Variants in SGCD observed in about 807,000 individuals in gnomAD.
The protein encoded by SGCD is sarcoglycan delta, also known as delta-sarcoglycan.
A neutral mutation model predicts 36.6 loss-of-function variants in SGCD; 18 were observed. That is an observed-to-expected ratio of 0.49 (90% confidence interval 0.34 to 0.73). SGCD has a LOEUF of 0.73. Among genes scored for constraint, SGCD ranks in the 30% least tolerant of loss-of-function variants. The pLI is 0.01. For missense variants in SGCD, 387 were observed against 346.7 expected, an observed-to-expected ratio of 1.12 and a Z score of -0.92; for synonymous variants, 133 against 130.6, an observed-to-expected ratio of 1.02 and a Z score of -0.12.
At chr5:156,335,258 G>C (rs190208178) in intron 2 of SGCD, among the ~76,000 whole-genome samples, 1 of 152,188 alleles carries the variant, frequency 6.6e-6, no homozygotes, top group East Asian at 1.9e-4. Flanking sequence ...AATATCTTCT[G>C]GTTCATCAGA....
At chr5:156,722,451 C>A (rs10056915) in intron 7 of SGCD, among the ~76,000 whole-genome samples, 1,688 of 152,288 alleles carry the variant, frequency 0.011, 41 homozygotes, top group African/African-American at 0.038. Flanking sequence ...GCCCTGATGA[C>A]AGTGTTGTCA....
chr5:156,549,329 A>G (rs1236704510), intron 4 of SGCD, among the ~76,000 whole-genome samples: 1 of 152,204 alleles, frequency 6.6e-6, no homozygotes, highest in Non-Finnish European at 1.5e-5. Context: ...AGATGTGAAC[A>G]TGGTGGTGTT....
At chr5:155,957,677 C>G (rs560025238) in intron 1 of SGCD, among the ~76,000 whole-genome samples, 2 of 152,232 alleles carry the variant, frequency 1.3e-5, no homozygotes, top group South Asian at 4.1e-4. Context: ...CTGCCACCAT[C>G]TTGCACACCT....
At chr5:156,352,973 AT>A (rs1290669346) in intron 3 of SGCD, among the ~76,000 whole-genome samples, 2 of 152,232 alleles carry the variant, frequency 1.3e-5, no homozygotes, top group Non-Finnish European at 2.9e-5. Flanking sequence ...TGTCTAAAAC[AT>A]GGTTTATTTA....
intron 3 of SGCD, among the ~76,000 whole-genome samples, chr5:156,185,237 CAG>C (rs1763708498): frequency 1.6e-5 from 2 of 122,692 alleles, no homozygotes; most frequent in Non-Finnish European, 3.2e-5. Flanking sequence ...TTTTTTGAGA[CAG>C]AGTCTTGCTC....
chr5:156,535,798 G>T (rs1228444068), intron 4 of SGCD, among the ~76,000 whole-genome samples: 1 of 152,050 alleles, frequency 6.6e-6, no homozygotes, highest in Non-Finnish European at 1.5e-5. Context: ...AAATGTTATT[G>T]CCTGTCCTGT....
At chr5:156,384,391 G>A (rs920408786) in intron 3 of SGCD, among the ~76,000 whole-genome samples, 3 of 152,096 alleles carry the variant, frequency 2.0e-5, no homozygotes, top group African/African-American at 7.2e-5. Flanking sequence ...GATTGTGAAT[G>A]TTTCCTATCA....
chr5:156,242,867 A>T (rs1482667313), intron 3 of SGCD, among the ~76,000 whole-genome samples: 1 of 152,172 alleles, frequency 6.6e-6, no homozygotes, highest in Non-Finnish European at 1.5e-5. Context: ...ACAGAATCCC[A>T]GAACCTGAGA....
chr5:155,924,453 A>T (rs543135800), intron 1 of SGCD, among the ~76,000 whole-genome samples: 1 of 152,354 alleles, frequency 6.6e-6, no homozygotes, highest in African/African-American at 2.4e-5. Flanking sequence ...CTGAATGCTT[A>T]GCCAGAGAGA....
In SGCD at chr5:155,941,182, T is replaced by C. The variant is rs138740384; in HGVS notation, c.-282+70758T>C. ...ATAACAAACCCACTCTCGAGATAAC[T>C]AACATACTCCCGTGATAATGACGTT... On this transcript the variant is annotated intron_variant, in intron 1 of 9. Coordinates refer to the SGCD transcript ENST00000517913. Among the ~76,000 whole-genome samples the C allele has an allele frequency of 5.5e-3, 838 of 152,252 alleles. 5 individuals are homozygous for C. The highest frequency in any genetic ancestry group is 0.014 in the South Asian group (67 of 4,830).
At chr5:155,935,263 T>A (rs981302584) in intron 1 of SGCD, among the ~76,000 whole-genome samples, 5 of 152,246 alleles carry the variant, frequency 3.3e-5, no homozygotes, top group Non-Finnish European at 7.3e-5. Flanking sequence ...TCCTAGTGAC[T>A]TTTGTTTATT....
At chr5:156,756,357 G>A (rs1757334568) in intron 7 of SGCD, among the ~76,000 whole-genome samples, 1 of 152,134 alleles carries the variant, frequency 6.6e-6, no homozygotes, top group South Asian at 2.1e-4. Flanking sequence ...GACCAGCCTG[G>A]GCAAACATAG....
At chr5:156,558,364 A>G (rs1338931759) in intron 4 of SGCD, among the ~76,000 whole-genome samples, 1 of 151,952 alleles carries the variant, frequency 6.6e-6, no homozygotes, top group Non-Finnish European at 1.5e-5. Flanking sequence ...CCAGGCACAC[A>G]CTAGGTATCC....
intron 7 of SGCD, among the ~76,000 whole-genome samples, chr5:156,736,483 T>G (rs979680116): frequency 1.4e-5 from 2 of 145,378 alleles, no homozygotes; most frequent in African/African-American, 5.7e-5. Context: ...ACAGAAGAGA[T>G]TTCCATAAAA....
chr5:156,185,816 CAT>C lies in SGCD; in HGVS notation c.-44+61804_-44+61805del, dbSNP rs1763729407. Among the ~76,000 whole-genome samples the C allele has an allele frequency of 2.3e-5, 2 of 88,728 alleles. 1 individual carries two copies. The highest frequency in any genetic ancestry group is 6.6e-4 in the South Asian group (2 of 3,024). The allele number at this position is 88,728 out of a possible 152,430, so 58.2% of individuals were successfully genotyped here. On this transcript the variant is annotated intron_variant, in intron 3 of 9. Coordinates refer to the SGCD transcript ENST00000517913. ...ATTTTTACAAACTTATAAATATGGC[CAT>C]ATATATGTGTGTGTGTATATATATA...
intron 3 of SGCD, among the ~76,000 whole-genome samples, chr5:156,491,701 C>T (rs935246066): frequency 6.6e-6 from 1 of 151,988 alleles, no homozygotes; most frequent in Non-Finnish European, 1.5e-5. Flanking sequence ...TAGAAGCACC[C>T]TACTTTAATT....
chr5:155,871,555 T>C (rs2113275738), intron 1 of SGCD, among the ~76,000 whole-genome samples: 1 of 152,262 alleles, frequency 6.6e-6, no homozygotes, highest in South Asian at 2.1e-4. Context: ...CACTGGACTG[T>C]AGGCCAGTGC....
intron 1 of SGCD, among the ~76,000 whole-genome samples, chr5:155,912,492 T>G (rs2113359383): frequency 6.6e-6 from 1 of 152,270 alleles, no homozygotes; most frequent in East Asian, 1.9e-4. Context: ...GAAACTAGTC[T>G]CTTCAAACAG....
chr5:156,583,250 T>C lies in SGCD; in HGVS notation c.295-5981T>C, dbSNP rs139125414. Among the ~76,000 whole-genome samples, 126 of 152,234 alleles carry C rather than the reference T, an allele frequency of 8.3e-4. 1 individual carries two copies. Among genetic ancestry groups the C allele is most frequent in the Non-Finnish European group, 1.6e-3 (108 of 68,030 alleles). On this transcript the variant is annotated intron_variant, in intron 4 of 8. Transcript: ENST00000337851. Reference sequence around the variant, plus strand: ...CACTTAACATTTCCAAAGCTGAACCTTCAAGCCCCAAACCTCTCACCTACC... The same window carrying C: ...CACTTAACATTTCCAAAGCTGAACCCTCAAGCCCCAAACCTCTCACCTACC...
Sources: gnomAD v4.1 joint callset for allele counts (sites outside exome capture counted in the v4.1 genomes callset) on GRCh38, gnomAD v4.1.1 for gene constraint, MANE v1.5 for transcripts, NCBI Gene and HGNC (gene_info 2026-07-23, HGNC 2026-07-21) for gene names.